SORCS3: variants seen among roughly 807,000 people sequenced by gnomAD.
SORCS3 encodes the protein sortilin related VPS10 domain containing receptor 3.
Under a neutral mutation model 146.3 loss-of-function variants are expected in SORCS3, and 57 were observed. The ratio of observed to expected loss-of-function variants is 0.39; its 90% CI spans 0.31 to 0.49. The LOEUF (loss-of-function observed/expected upper bound fraction) is 0.49, where lower values mean the gene tolerates loss of function less well. Among genes scored for constraint, SORCS3 ranks in the 20% least tolerant of loss-of-function variants. The pLI is 0.92. For synonymous variants in SORCS3, 653 were observed against 618.5 expected (o/e 1.06, Z -0.83); for missense variants, 1,341 against 1,575.5 (o/e 0.85, Z 2.52).
intron 2 of SORCS3, among the ~76,000 whole-genome samples, chr10:104,847,938 G>T (rs2018226323): frequency 6.6e-6 from 1 of 151,964 alleles, no homozygotes; most frequent in Non-Finnish European, 1.5e-5. Context: ...TCCTGCTGGA[G>T]ACCTTTCATG....
chr10:104,767,399 A>G (rs1008263733), intron 1 of SORCS3, among the ~76,000 whole-genome samples: 2 of 152,158 alleles, frequency 1.3e-5, no homozygotes, highest in Non-Finnish European at 2.9e-5. Flanking sequence ...CTACCTGCTC[A>G]ATAAAGTTCC....
chr10:105,005,207 A>G (rs976659734), intron 4 of SORCS3, among the ~76,000 whole-genome samples: 7 of 152,214 alleles, frequency 4.6e-5, no homozygotes, highest in Admixed American at 1.3e-4. Context: ...TTAGTCTCAC[A>G]TTCATTCAAC....
chr10:104,765,755 A>G (rs1002144751), intron 1 of SORCS3, among the ~76,000 whole-genome samples: 1 of 152,222 alleles, frequency 6.6e-6, no homozygotes, highest in African/African-American at 2.4e-5. Context: ...TGCATTGTAC[A>G]TATTAGCTCA....
At chr10:104,706,300 CG>C (rs1564663992) in intron 1 of SORCS3, among the ~76,000 whole-genome samples, 1 of 149,578 alleles carries the variant, frequency 6.7e-6, no homozygotes, top group African/African-American at 2.5e-5. Flanking sequence ...CTCTGCCTCC[CG>C]GGTTCAAGCG....
intron 1 of SORCS3, among the ~76,000 whole-genome samples, chr10:104,673,717 G>A (rs2133259302): frequency 6.6e-6 from 1 of 152,162 alleles, no homozygotes; most frequent in South Asian, 2.1e-4. Flanking sequence ...CTCCTATAGT[G>A]TTGAGACTAC....
rs191436940 is a variant in SORCS3, at chr10:105,012,642, G to A, written c.955-30413G>A. ...TTTAATGCCAGGAGTTCCACCTTTC[G>A]TTTTCTCCCTCCACACACATATCTA... On this transcript the variant is annotated intron_variant, in intron 4 of 26. Transcript: ENST00000369701. Among the ~76,000 whole-genome samples, 10 of 152,120 alleles carry A rather than the reference G, an allele frequency of 6.6e-5. No homozygotes were observed. In the Middle Eastern group the frequency reaches 0.01, roughly 155 times the overall value.
intron 4 of SORCS3, among the ~76,000 whole-genome samples, chr10:104,994,088 C>G (rs142679806): frequency 7.6e-4 from 116 of 152,254 alleles, no homozygotes; most frequent in African/African-American, 2.5e-3. Flanking sequence ...TACCCAGATA[C>G]CAAATGAAGT....
chr10:104,778,610 T>C (rs1043556050), intron 1 of SORCS3, among the ~76,000 whole-genome samples: 2 of 152,234 alleles, frequency 1.3e-5, no homozygotes, highest in African/African-American at 4.8e-5. Flanking sequence ...TGTTCATTCC[T>C]GTCAGATGAG....
At chr10:104,883,145 T>A (rs929533301) in intron 2 of SORCS3, among the ~76,000 whole-genome samples, 6 of 152,140 alleles carry the variant, frequency 3.9e-5, no homozygotes, top group Non-Finnish European at 7.3e-5. Context: ...TTCCACAGGG[T>A]CTGGTAAGCC....
At chr10:105,252,691 C>T (rs367939740) in intron 22 of SORCS3, 84 bp from the exon 23 acceptor site, 3 of 1,543,662 alleles carry the variant, frequency 1.9e-6, no homozygotes, top group Admixed American at 1.9e-5. Context: ...CATGAGCCAT[C>T]TGGCTGTGCA....
chr10:104,645,857 T>C (rs375150104), intron 1 of SORCS3, among the ~76,000 whole-genome samples: 1 of 152,174 alleles, frequency 6.6e-6, no homozygotes, highest in Non-Finnish European at 1.5e-5. Context: ...GATCATCTAA[T>C]TGTGGCTCCC....
intron 5 of SORCS3, among the ~76,000 whole-genome samples, chr10:105,066,087 C>A (rs1362411067): frequency 2.6e-5 from 4 of 152,120 alleles, no homozygotes; most frequent in African/African-American, 9.7e-5. Flanking sequence ...AAACACTGTG[C>A]TTTATAAAAA....
At chr10:105,017,950 T>A (rs910725587) in intron 4 of SORCS3, among the ~76,000 whole-genome samples, 1 of 152,230 alleles carries the variant, frequency 6.6e-6, no homozygotes, top group Non-Finnish European at 1.5e-5. Flanking sequence ...GGAATGCATT[T>A]CTTTCTCTGG....
At chr10:105,076,881 C>T (rs2055592620) in intron 5 of SORCS3, among the ~76,000 whole-genome samples, 1 of 152,198 alleles carries the variant, frequency 6.6e-6, no homozygotes, top group Non-Finnish European at 1.5e-5. Flanking sequence ...TGGATTTTCA[C>T]TACTTTAACA....
Position 105,211,133 on chromosome 10 carries a change from A to T in SORCS3, c.2262-4A>T. On this transcript the variant is annotated splice_polypyrimidine_tract_variant and splice_region_variant and intron_variant, in intron 16 of 26. Transcript: ENST00000369701. ...CTACTATGCAATATTCATTTTCCTG[A>T]CAGTGACTATGGGTATGAGAGACAT... 6.2e-7 allele frequency: 1 copy of T among 1,607,344 alleles called. No homozygotes were observed.
intron 3 of SORCS3, among the ~76,000 whole-genome samples, chr10:104,952,124 A>G (rs2019437594): frequency 1.3e-5 from 2 of 151,636 alleles, no homozygotes; most frequent in South Asian, 4.2e-4. Context: ...TAGCATTGAC[A>G]TCACCTGAGA....
chr10:104,976,691 G>GA (rs757686353), intron 3 of SORCS3, among the ~76,000 whole-genome samples: 1 of 152,174 alleles, frequency 6.6e-6, no homozygotes, highest in Non-Finnish European at 1.5e-5. Context: ...ACTGGATTAA[G>GA]AAATGTGGCA....
intron 7 of SORCS3, among the ~76,000 whole-genome samples, chr10:105,134,900 C>A (rs2056048538): frequency 6.6e-6 from 1 of 152,136 alleles, no homozygotes; most frequent in South Asian, 2.1e-4. Context: ...GCGGGTGAGA[C>A]TCAAGGAGAT....
chr10:105,081,981 G>A (rs939163973), intron 5 of SORCS3, among the ~76,000 whole-genome samples: 1 of 152,116 alleles, frequency 6.6e-6, no homozygotes, highest in Non-Finnish European at 1.5e-5. Context: ...TGCTTATGAA[G>A]TTTATCTAAC....
Sources: allele counts gnomAD v4.1 joint callset (sites outside exome capture counted in the v4.1 genomes callset), GRCh38; gene constraint gnomAD v4.1.1; transcripts MANE v1.5; gene names NCBI Gene and HGNC (gene_info 2026-07-23, HGNC 2026-07-21).